The following TMPRSS11F variants were observed in gnomAD, a reference collection of about 807,000 sequenced individuals.
TMPRSS11F encodes transmembrane serine protease 11F, also known as transmembrane protease serine 11F.
Under a neutral mutation model 60.2 loss-of-function variants are expected in TMPRSS11F, and 47 were observed. That is an observed-to-expected ratio of 0.78 (90% CI 0.62 to 1.00). The LOEUF is 1.00. Ranked by LOEUF, TMPRSS11F falls within the 50% of genes least tolerant of loss-of-function variation. The probability of loss-of-function intolerance (pLI) is 0.00; values close to 1 mark genes in which losing one functional copy is unlikely to be tolerated. For synonymous variants in TMPRSS11F, 166 were observed against 167.3 expected, an observed-to-expected ratio of 0.99 and a Z score of 0.06; for missense variants, 519 against 522.9, an observed-to-expected ratio of 0.99 and a Z score of 0.07.
At chr4:68,060,948 T>C (rs1294294399) in intron 8 of TMPRSS11F, among the ~76,000 whole-genome samples, 1 of 152,032 alleles carries the variant, frequency 6.6e-6, no homozygotes, top group Non-Finnish European at 1.5e-5. Context: ...TTTTTGGGAC[T>C]AGGAGCAATG....
At chr4:68,072,108 G>A (rs917642844) in intron 5 of TMPRSS11F, among the ~76,000 whole-genome samples, 2 of 150,364 alleles carry the variant, frequency 1.3e-5, no homozygotes, top group African/African-American at 4.9e-5. Context: ...CTTATTAAAA[G>A]CCCTAGTAAA....
intron 1 of TMPRSS11F, among the ~76,000 whole-genome samples, chr4:68,107,518 G>A (rs1724325873): frequency 6.6e-6 from 1 of 152,156 alleles, no homozygotes; most frequent in Non-Finnish European, 1.5e-5. Flanking sequence ...CAAAGAAATA[G>A]TCATTACAAG....
chr4:68,090,820 TA>T, intron 2 of TMPRSS11F, among the ~76,000 whole-genome samples, 179 bp from the exon 3 acceptor site: 1 of 152,274 alleles, frequency 6.6e-6, no homozygotes, highest in Middle Eastern at 3.4e-3. Context: ...CTGGTTAAAA[TA>T]AAAAATTCTG....
chr4:68,094,707 A>AGT (rs1212959939), intron 2 of TMPRSS11F, among the ~76,000 whole-genome samples: 33 of 152,148 alleles, frequency 2.2e-4, no homozygotes, highest in African/African-American at 7.5e-4. Context: ...CAGGAAGACA[A>AGT]GTGATGCTAT....
chr4:68,073,639 C>T (rs1723524237), intron 4 of TMPRSS11F, among the ~76,000 whole-genome samples: 1 of 151,812 alleles, frequency 6.6e-6, no homozygotes, highest in East Asian at 1.9e-4. Context: ...ATGAAAAAGA[C>T]GTTAAGTTCT....
intron 8 of TMPRSS11F, among the ~76,000 whole-genome samples, chr4:68,060,351 C>CA (rs1347255741): frequency 0.018 from 2,148 of 121,492 alleles, 27 homozygotes; most frequent in African/African-American, 0.048. Flanking sequence ...ACTAAAAATA[C>CA]AAAAAAAAAA....
chr4:68,070,689 C>G (rs148785350), intron 5 of TMPRSS11F, among the ~76,000 whole-genome samples: 66 of 152,248 alleles, frequency 4.3e-4, no homozygotes, highest in Middle Eastern at 3.4e-3. Context: ...TCTTTTTTCC[C>G]TTCAAATTTA....
chr4:68,068,550 T>C, intron 7 of TMPRSS11F, 68 bp downstream of exon 7: 13 of 1,368,882 alleles, frequency 9.5e-6, no homozygotes, highest in Non-Finnish European at 1.2e-5. Context: ...TGGACTCTTC[T>C]GATGCGCTAA....
intron 1 of TMPRSS11F, among the ~76,000 whole-genome samples, chr4:68,109,635 A>G (rs1360351731): frequency 6.6e-6 from 1 of 152,202 alleles, no homozygotes; most frequent in Non-Finnish European, 1.5e-5. Context: ...TCAACTTAGT[A>G]ACACAAAGGA....
At chr4:68,127,883 C>T (rs1724744008) in intron 1 of TMPRSS11F, among the ~76,000 whole-genome samples, 1 of 151,726 alleles carries the variant, frequency 6.6e-6, no homozygotes, top group Non-Finnish European at 1.5e-5. Flanking sequence ...AAGAATAAAC[C>T]AATAAACCAA....
chr4:68,101,292 C>T (rs1265696519), intron 1 of TMPRSS11F, among the ~76,000 whole-genome samples: 5 of 152,094 alleles, frequency 3.3e-5, no homozygotes, highest in Admixed American at 2.6e-4. Context: ...TGAAGTGTAG[C>T]TGGCAGGTAC....
intron 1 of TMPRSS11F, among the ~76,000 whole-genome samples, chr4:68,107,675 A>G (rs1209588550): frequency 1.3e-5 from 2 of 152,086 alleles, no homozygotes; most frequent in Non-Finnish European, 2.9e-5. Flanking sequence ...CACAATAAGA[A>G]CCATTTTGGT....
At chr4:68,108,424 T>C (rs1399590076) in intron 1 of TMPRSS11F, among the ~76,000 whole-genome samples, 1 of 152,158 alleles carries the variant, frequency 6.6e-6, no homozygotes, top group Non-Finnish European at 1.5e-5. Flanking sequence ...CAGTATGCAA[T>C]CTGCCCACTG....
chr4:68,054,918 A>T (rs928839815), intron 9 of TMPRSS11F, among the ~76,000 whole-genome samples: 2 of 152,222 alleles, frequency 1.3e-5, no homozygotes, highest in Non-Finnish European at 2.9e-5. Context: ...TACCATCATG[A>T]TACGTGCTAT....
chr4:68,072,452 G>A lies in TMPRSS11F; in HGVS notation c.385C>T (p.Leu129Phe). The change falls in exon 5 of 10, where the codon CTC (leucine) becomes TTC (phenylalanine). Residue 129 changes from leucine (L) to phenylalanine (F), a missense_variant. Physicochemically the swap from Leu to Phe is conservative, Grantham distance 22 (BLOSUM62 0). Coordinates refer to ENST00000356291, the MANE Select transcript of TMPRSS11F (RefSeq NM_207407.2). The part of the protein sequence containing the change: ...DEQGVDILIV[L>F]IFRYPSTDSA... ...TCAGTAGATGGGTATCGAAATATGA[G>A]CACTATAAGAATATCCACACCTTGT... 1 of 1,587,212 alleles carries A rather than the reference G, an allele frequency of 6.3e-7. No homozygotes were observed. Among genetic ancestry groups the A allele is most frequent in the Non-Finnish European group, 8.6e-7 (1 of 1,164,520 alleles).
At chr4:68,120,231 T>A (rs1724597636) in intron 1 of TMPRSS11F, among the ~76,000 whole-genome samples, 1 of 152,084 alleles carries the variant, frequency 6.6e-6, no homozygotes, top group Non-Finnish European at 1.5e-5. Flanking sequence ...ATCAACACTG[T>A]TGATATGAAA....
intron 1 of TMPRSS11F, among the ~76,000 whole-genome samples, chr4:68,127,699 G>T (rs1724740954): frequency 1.3e-5 from 2 of 151,810 alleles, no homozygotes; most frequent in Non-Finnish European, 2.9e-5. Flanking sequence ...TCAAGGCCTG[G>T]TACACATACT....
intron 8 of TMPRSS11F, chr4:68,062,892 C>T (rs781702733): frequency 6.2e-6 from 5 of 801,764 alleles, no homozygotes; most frequent in East Asian, 2.6e-5. Flanking sequence ...AAGTGGCTGC[C>T]TTTTATCACT....
chr4:68,117,936 T>G (rs545217564), intron 1 of TMPRSS11F, among the ~76,000 whole-genome samples: 1 of 152,326 alleles, frequency 6.6e-6, no homozygotes, highest in South Asian at 2.1e-4. Flanking sequence ...AAATACTTCT[T>G]TTCTTCTAAA....
Sources: allele counts gnomAD v4.1 joint callset (sites outside exome capture counted in the v4.1 genomes callset), GRCh38; gene constraint gnomAD v4.1.1; transcripts MANE v1.5; gene names NCBI Gene and HGNC (gene_info 2026-07-23, HGNC 2026-07-21).